TTC28: variants seen among roughly 807,000 people sequenced by gnomAD.
TTC28 encodes tetratricopeptide repeat protein 28.
Under a neutral mutation model 198.0 loss-of-function variants are expected in TTC28, and 61 were observed. That is an observed-to-expected ratio of 0.31 (90% CI 0.25 to 0.38). TTC28 has a LOEUF of 0.38. Ranked by LOEUF, TTC28 falls within the 10% of genes least tolerant of loss-of-function variation. The pLI is 1.00. For missense variants in TTC28, 2,678 were observed against 3,164.0 expected (o/e 0.85, Z 3.69); for synonymous variants, 1,171 against 1,297.8 (o/e 0.90, Z 2.10).
At chr22:28,169,888 G>A (rs1210493834) in intron 5 of TTC28, among the ~76,000 whole-genome samples, 1 of 151,488 alleles carries the variant, frequency 6.6e-6, no homozygotes, top group Non-Finnish European at 1.5e-5. Context: ...ATAAAAACAG[G>A]AAGCACATCA....
At chr22:28,125,670 G>A (rs935509123) in intron 6 of TTC28, among the ~76,000 whole-genome samples, 1 of 152,190 alleles carries the variant, frequency 6.6e-6, no homozygotes, top group Non-Finnish European at 1.5e-5. Flanking sequence ...CTTATAGGCA[G>A]TAGTTCATAA....
At chr22:28,254,649 C>CACTAAA (rs1569223897) in intron 5 of TTC28, among the ~76,000 whole-genome samples, 1 of 152,070 alleles carries the variant, frequency 6.6e-6, no homozygotes, top group Non-Finnish European at 1.5e-5. Flanking sequence ...GACTCCCTCC[C>CACTAAA]ACTAAAACAC....
At chr22:28,160,543 A>G (rs1921048565) in intron 6 of TTC28, among the ~76,000 whole-genome samples, 1 of 152,228 alleles carries the variant, frequency 6.6e-6, no homozygotes, top group South Asian at 2.1e-4. Context: ...GAGGAGGCAG[A>G]GTAAAAAAGG....
At chr22:28,675,735 TCACACACACACA>T (rs71316854) in intron 1 of TTC28, among the ~76,000 whole-genome samples, 16 of 135,114 alleles carry the variant, frequency 1.2e-4, no homozygotes, top group Admixed American at 2.3e-4. Flanking sequence ...TGAAACCCTG[TCACACACACACA>T]CACACACACA....
At chr22:28,283,341 C>CAT (rs1194353344) in intron 5 of TTC28, among the ~76,000 whole-genome samples, 4 of 151,932 alleles carry the variant, frequency 2.6e-5, no homozygotes, top group African/African-American at 2.4e-5. Context: ...CACACACACA[C>CAT]ACACACACCA....
chr22:28,366,151 T>C (rs2145975646), intron 2 of TTC28, among the ~76,000 whole-genome samples: 1 of 152,298 alleles, frequency 6.6e-6, no homozygotes, highest in African/African-American at 2.4e-5. Context: ...TAACTACATT[T>C]AACTATGTAA....
intron 2 of TTC28, among the ~76,000 whole-genome samples, chr22:28,366,719 C>A (rs547486760): frequency 1.3e-5 from 2 of 152,032 alleles, no homozygotes; most frequent in South Asian, 2.1e-4. Flanking sequence ...TAAAGATACA[C>A]ATAGACTGAA....
At chr22:28,498,011 G>C (rs1402528693) in intron 2 of TTC28, among the ~76,000 whole-genome samples, 1 of 152,018 alleles carries the variant, frequency 6.6e-6, no homozygotes, top group African/African-American at 2.4e-5. Context: ...CTGGGGTAAG[G>C]GCTAGAGTCT....
intron 2 of TTC28, among the ~76,000 whole-genome samples, chr22:28,362,094 C>A (rs746692627): frequency 6.6e-6 from 1 of 152,176 alleles, no homozygotes; most frequent in African/African-American, 2.4e-5. Context: ...CTGAAGCCCA[C>A]AAATCATGGA....
chr22:28,678,922 C>G (rs1338925043), intron 1 of TTC28, among the ~76,000 whole-genome samples: 1 of 152,170 alleles, frequency 6.6e-6, no homozygotes, highest in East Asian at 1.9e-4. Context: ...GAGCCACAGT[C>G]CGTGGCATTT....
At chr22:28,605,330 A>G (rs772595391) in intron 2 of TTC28, among the ~76,000 whole-genome samples, 22 of 152,224 alleles carry the variant, frequency 1.4e-4, no homozygotes, top group Non-Finnish European at 2.6e-4. Flanking sequence ...AACTTAATGT[A>G]CAAATAAGTA....
chr22:28,451,816 G>A (rs948856340), intron 2 of TTC28, among the ~76,000 whole-genome samples: 2 of 152,012 alleles, frequency 1.3e-5, no homozygotes, highest in South Asian at 4.2e-4. Context: ...TCTACCAGGT[G>A]GCCACAGCTA....
At chr22:28,114,307 T>TAG (rs569457488) in intron 6 of TTC28, among the ~76,000 whole-genome samples, 94 of 152,332 alleles carry the variant, frequency 6.2e-4, no homozygotes, top group African/African-American at 2.1e-3. Context: ...TAGATATCTT[T>TAG]AGGTTCCCTG....
intron 2 of TTC28, among the ~76,000 whole-genome samples, chr22:28,324,536 TCCACCATGATCA>T (rs2045496719): frequency 6.6e-6 from 1 of 152,096 alleles, no homozygotes; most frequent in Non-Finnish European, 1.5e-5. Flanking sequence ...AAAAAGCTTA[TCCACCATGATCA>T]AGTGGTCTTC....
At chr22:28,306,741 A>C in intron 2 of TTC28, 98 bp from the exon 3 acceptor site, 1 of 1,298,808 alleles carries the variant, frequency 7.7e-7, no homozygotes, top group Admixed American at 2.4e-5. Flanking sequence ...ACTAAGATTG[A>C]GATGTACTTG....
intron 6 of TTC28, among the ~76,000 whole-genome samples, chr22:28,119,099 G>A (rs1942716179): frequency 6.6e-6 from 1 of 152,142 alleles, no homozygotes; most frequent in East Asian, 1.9e-4. Context: ...TGCCAGTTAT[G>A]TGGCACAGTG....
At chr22:28,375,768 G>A (rs2146006388) in intron 2 of TTC28, among the ~76,000 whole-genome samples, 1 of 152,282 alleles carries the variant, frequency 6.6e-6, no homozygotes, top group South Asian at 2.1e-4. Flanking sequence ...CTCAATGTGG[G>A]TGAACCATAC....
intron 5 of TTC28, among the ~76,000 whole-genome samples, chr22:28,288,991 T>C (rs1049716501): frequency 1.3e-5 from 2 of 152,174 alleles, no homozygotes; most frequent in Admixed American, 6.5e-5. Context: ...CCAAGTAGTA[T>C]ACATCCTTTC....
intron 2 of TTC28, among the ~76,000 whole-genome samples, chr22:28,328,340 G>A (rs948609822): frequency 6.6e-6 from 1 of 152,084 alleles, no homozygotes; most frequent in Non-Finnish European, 1.5e-5. Context: ...TACTCTGGAG[G>A]ATGAGGCAGG....
Sources: allele counts gnomAD v4.1 joint callset (sites outside exome capture counted in the v4.1 genomes callset), GRCh38; gene constraint gnomAD v4.1.1; transcripts MANE v1.5; gene names NCBI Gene and HGNC (gene_info 2026-07-23, HGNC 2026-07-21).